The following PACS2 variants were observed in gnomAD, a reference collection of about 807,000 sequenced individuals.
PACS2 encodes phosphofurin acidic cluster sorting protein 2, also known as PACS1-like protein.
In PACS2, 36 loss-of-function variants were observed where a neutral mutation model predicts 113.0. The observed-to-expected ratio is 0.32, with a 90% confidence interval of 0.24 to 0.42. The LOEUF (loss-of-function observed/expected upper bound fraction) is 0.42, where lower values mean the gene tolerates loss of function less well. Ranked by LOEUF, PACS2 falls within the 10% of genes least tolerant of loss-of-function variation. The pLI, the probability that PACS2 is intolerant of heterozygous loss-of-function variation, is 1.00. For missense variants in PACS2, 1,015 were observed against 1,239.5 expected (o/e 0.82, Z 2.72); for synonymous variants, 589 against 536.1 (o/e 1.10, Z -1.36).
intron 6 of PACS2, 143 bp downstream of exon 6, chr14:105,368,290 G>A (rs1555408475): frequency 9.9e-6 from 8 of 811,674 alleles, no homozygotes; most frequent in Admixed American, 2.3e-5. Flanking sequence ...CCCATCTCTC[G>A]TCTCCCGACC....
At chr14:105,380,872 C>A in intron 11 of PACS2, 85 bp from the exon 12 acceptor site, 3 of 1,370,018 alleles carry the variant, frequency 2.2e-6, no homozygotes, top group Admixed American at 2.3e-5. Context: ...TAAACCCTCA[C>A]CCGAGCCAGA....
rs1291961933 is a variant in PACS2 at position 105,340,592 on chromosome 14, C to T, written c.120-7901C>T. 6.6e-6 allele frequency among the ~76,000 whole-genome samples: 1 copy of T among 152,254 alleles called. No homozygotes were observed. The highest frequency in any genetic ancestry group is 1.5e-5 in the Non-Finnish European group (1 of 68,048). On this transcript the variant is annotated intron_variant, in intron 1 of 24. Coordinates refer to ENST00000447393, the MANE Select transcript of PACS2 (RefSeq NM_001100913.3). This position sits in a 1 kb window ranked among gnomAD's most constrained non-coding sequence, Gnocchi z 4.2. ...TCCGGAGCTCAGGTGGGAATGCTCA[C>T]TCCCTGGTGCTCATCTCCTGCTGTG...
Position 105,355,236 on chromosome 14 carries a change from C to A in PACS2, c.423+59C>A. 1 of 1,565,504 alleles carries A rather than the reference C, an allele frequency of 6.4e-7. No homozygotes were observed. Among genetic ancestry groups the A allele is most frequent in the Non-Finnish European group, 8.7e-7 (1 of 1,153,312 alleles). ...CTGGCCACCTGGGTGCCAGAGCATTCGCCCGTGGGAGATGGAGATGTCTCT... is the reference window on the plus strand; with the variant it reads ...CTGGCCACCTGGGTGCCAGAGCATTAGCCCGTGGGAGATGGAGATGTCTCT... On this transcript the variant is annotated intron_variant, in intron 4 of 24. Transcript: ENST00000447393. This position sits in a 1 kb window ranked among gnomAD's most constrained non-coding sequence, Gnocchi z 4.1.
chr14:105,386,418 G>A (rs1010990908), intron 19 of PACS2, among the ~76,000 whole-genome samples: 2 of 152,120 alleles, frequency 1.3e-5, no homozygotes, highest in African/African-American at 4.8e-5. Flanking sequence ...CCAAACTACC[G>A]AGACCTCCAA....
At chr14:105,368,728 A>G (rs1358585384) in intron 7 of PACS2, among the ~76,000 whole-genome samples, 189 bp downstream of exon 7, 1 of 152,122 alleles carries the variant, frequency 6.6e-6, no homozygotes, top group Admixed American at 6.5e-5. Context: ...GCCTCGCCAC[A>G]TCTCCTGGCT....
rs1429966805 is a variant in PACS2 at position 105,394,897 on chromosome 14, CAGA to C, written c.*228_*230del. On this transcript the variant is annotated 3_prime_UTR_variant, in exon 25 of 25. Transcript: ENST00000447393. The stretch of plus-strand genomic sequence containing the variant: ...AACGTTCGGCCCGGGGCTGGGAAGC[CAGA>C]AGGACGATGCTGAGCCATGGATCGC... 3.8e-6 allele frequency: 2 copies of C among 522,630 alleles called. No individual in the cohort carries two copies. The highest frequency in any genetic ancestry group is 3.8e-5 in the African/African-American group (2 of 51,968). 32.4% of individuals were successfully genotyped at this position (522,630 alleles called of 1,614,324 possible).
intron 1 of PACS2, among the ~76,000 whole-genome samples, chr14:105,346,386 C>T (rs918194723): frequency 1.3e-5 from 2 of 151,958 alleles, no homozygotes; most frequent in South Asian, 4.1e-4. Context: ...CGGTTGGTGA[C>T]TTTGATGGCT....
At position 105,356,406 on chromosome 14, in the gene PACS2, C is replaced by T. The variant is rs1056142413; in HGVS notation, c.423+1229C>T. On this transcript the variant is annotated intron_variant, in intron 4 of 24. Coordinates refer to ENST00000447393, the MANE Select transcript of PACS2 (RefSeq NM_001100913.3). This position sits in a 1 kb window ranked among gnomAD's most constrained non-coding sequence, Gnocchi z 4.0. ...GACAAGCTTTGCAGTCTTCCCGATT[C>T]CTTCGGCAAACCACGGACAGCACGG... Among the ~76,000 whole-genome samples the T allele has an allele frequency of 2.6e-5, 4 of 152,320 alleles. No individual in the cohort carries two copies. Among genetic ancestry groups the T allele is most frequent in the South Asian group, 4.1e-4 (2 of 4,834 alleles).
In PACS2 at chr14:105,355,104, G is replaced by A; in HGVS notation, c.350G>A (p.Arg117His). ...EGNKLQIMLQ[R>H]RKRYKNRTIL... ...AACAAGCTTCAGATCATGCTGCAGCGCAGAAAGCGCTACAAGAACAGAACC... is the reference window on the plus strand; with the variant it reads ...AACAAGCTTCAGATCATGCTGCAGCACAGAAAGCGCTACAAGAACAGAACC... Residue 117 changes from arginine to histidine, a missense_variant, in exon 4 of 25, where the codon CGC (arginine) becomes CAC (histidine). Physicochemically the swap from Arg to His is conservative, Grantham distance 29. This residue lies in a region of PACS2 where 16 missense variants were observed against 47.6 expected (regional missense o/e 0.34). Transcript: ENST00000447393. The surrounding 1 kb of genome is among the most constrained non-coding windows in gnomAD (Gnocchi z 4.1). 4 of 1,613,526 alleles carry A rather than the reference G, an allele frequency of 2.5e-6. No individual in the cohort carries two copies. Among genetic ancestry groups the A allele is most frequent in the Non-Finnish European group, 3.4e-6 (4 of 1,179,820 alleles).
chr14:105,369,536 T>C (rs1382535773), intron 7 of PACS2, among the ~76,000 whole-genome samples: 1 of 152,148 alleles, frequency 6.6e-6, no homozygotes, highest in Non-Finnish European at 1.5e-5. Flanking sequence ...GCCAGGGCCT[T>C]TCCTGGGAGG....
At position 105,376,678 on chromosome 14, in the gene PACS2, T is replaced by C. The variant is rs2080791047; in HGVS notation, c.802-90T>C. 2.3e-6 allele frequency: 3 copies of C among 1,285,152 alleles called. No homozygotes were observed. Among genetic ancestry groups the C allele is most frequent in the Non-Finnish European group, 3.3e-6 (3 of 919,226 alleles). 79.6% of individuals were successfully genotyped at this position (1,285,152 alleles called of 1,614,324 possible). A position where few individuals can be genotyped will look rare whatever the true frequency, so the allele number is the denominator to read the frequency against. On this transcript the variant is annotated intron_variant, in intron 8 of 24. Coordinates refer to ENST00000447393, the MANE Select transcript of PACS2 (RefSeq NM_001100913.3). This position sits in a 1 kb window ranked among gnomAD's most constrained non-coding sequence, Gnocchi z 4.7. Reference sequence around the variant, plus strand: ...TTGGTGGCTGGGTGCCCGCCTCCTATTGCTCCTGCAGACTCTGGGGTCTCG... The same window carrying C: ...TTGGTGGCTGGGTGCCCGCCTCCTACTGCTCCTGCAGACTCTGGGGTCTCG...
chr14:105,377,793 C>T (rs187340055), intron 9 of PACS2, among the ~76,000 whole-genome samples: 30 of 152,376 alleles, frequency 2.0e-4, no homozygotes, highest in African/African-American at 6.3e-4. Flanking sequence ...CAGAAACAGC[C>T]TCTGTTCCTC....
chr14:105,376,667 C>CT lies in PACS2; in HGVS notation c.802-101_802-100insT. On this transcript the variant is annotated intron_variant, in intron 8 of 24. Transcript: ENST00000447393. This position sits in a 1 kb window ranked among gnomAD's most constrained non-coding sequence, Gnocchi z 4.7. The stretch of plus-strand genomic sequence containing the variant: ...AGTGGAGGGGTTTGGTGGCTGGGTG[C>CT]CCGCCTCCTATTGCTCCTGCAGACT... The CT allele has an allele frequency of 9.0e-7, 1 of 1,116,748 alleles. No homozygotes were observed. The highest frequency in any genetic ancestry group is 1.3e-6 in the Non-Finnish European group (1 of 779,982). 69.2% of individuals were successfully genotyped at this position (1,116,748 alleles called of 1,614,324 possible).
At position 105,314,838 on chromosome 14, in the gene PACS2, TCCGCGCGCCCGGCCCGCCCG is replaced by T. The variant is rs940099700; in HGVS notation, c.-73_-54del. 18 of 522,302 alleles carry T rather than the reference TCCGCGCGCCCGGCCCGCCCG, an allele frequency of 3.4e-5. No individual in the cohort carries two copies. The highest frequency in any genetic ancestry group is 1.5e-4 in the African/African-American group (7 of 45,394). 32.4% of individuals were successfully genotyped at this position (522,302 alleles called of 1,614,324 possible). A position where few individuals can be genotyped will look rare whatever the true frequency, so the allele number is the denominator to read the frequency against. ...CAGCCATGTGACCGCGCCGCCGCCC[TCCGCGCGCCCGGCCCGCCCG>T]CCGCGCGTCCGCGGCCCGGCCGCAG... On this transcript the variant is annotated 5_prime_UTR_variant, in exon 1 of 25. Coordinates refer to ENST00000447393, the MANE Select transcript of PACS2 (RefSeq NM_001100913.3).
rs2060462472 is a variant in PACS2 at position 105,356,705 on chromosome 14, C to T, written c.423+1528C>T. Among the ~76,000 whole-genome samples, 1 of 151,042 alleles carries T rather than the reference C, an allele frequency of 6.6e-6. No homozygotes were observed. The highest frequency in any genetic ancestry group is 2.1e-4 in the South Asian group (1 of 4,738). Reference sequence around the variant, plus strand: ...GATCCCTGCCGGTCCCTGTGTTTCCCATTAGCCATGCAGGCGAGGTCCTGC... The same window carrying T: ...GATCCCTGCCGGTCCCTGTGTTTCCTATTAGCCATGCAGGCGAGGTCCTGC... On this transcript the variant is annotated intron_variant, in intron 4 of 24. Transcript: ENST00000447393. This position sits in a 1 kb window ranked among gnomAD's most constrained non-coding sequence, Gnocchi z 4.0.
chr14:105,389,721 C>T (rs1334781978), intron 19 of PACS2: 3 of 575,434 alleles, frequency 5.2e-6, no homozygotes, highest in African/African-American at 1.9e-5. Flanking sequence ...ACCCCTTTGT[C>T]CTTCCAGCAT....
At position 105,382,890 on chromosome 14, in the gene PACS2, C is replaced by T. The variant is rs2081042637; in HGVS notation, c.1602C>T (p.Thr534=). Residue 534 remains threonine, a synonymous_variant, in exon 15 of 25, where the codon ACC becomes ACT. Coordinates refer to ENST00000447393, the MANE Select transcript of PACS2 (RefSeq NM_001100913.3). ...SPADVQAAFS[T]IVSRIQRYCN... ...CGGACGTCCAGGCGGCCTTCAGCAC[C>T]ATCGTCTCACGGATACAGAGATAGT... 6.2e-7 allele frequency: 1 copy of T among 1,603,062 alleles called. No homozygotes were observed. The highest frequency in any genetic ancestry group is 1.7e-5 in the Admixed American group (1 of 59,978).
At chr14:105,316,799 G>A (rs181261661) in intron 1 of PACS2, among the ~76,000 whole-genome samples, 4 of 152,236 alleles carry the variant, frequency 2.6e-5, no homozygotes, top group South Asian at 2.1e-4. Flanking sequence ...GGGGGGTCCC[G>A]AGCTCTGGCC....
intron 4 of PACS2, among the ~76,000 whole-genome samples, chr14:105,361,877 A>C (rs587668138): frequency 1.1e-4 from 16 of 152,166 alleles, no homozygotes; most frequent in Admixed American, 2.0e-4. Context: ...TGAACCCAGG[A>C]GGCGGAAATT....
Sources: gnomAD v4.1 joint callset for allele counts (sites outside exome capture counted in the v4.1 genomes callset) on GRCh38, gnomAD v4.1.1 for gene constraint, gnomAD v4.1.1 regional missense constraint, Gnocchi (gnomAD v3.1) non-coding constraint, MANE v1.5 for transcripts, NCBI Gene and HGNC (gene_info 2026-07-23, HGNC 2026-07-21) for gene names.